The following VAT1 variants were observed in gnomAD, a reference collection of about 807,000 sequenced individuals.
VAT1 encodes NADPH-dependent quinone oxidoreductase VAT1.
VAT1 carries 24 observed loss-of-function variants against 33.3 expected under a neutral mutation model. The ratio of observed to expected loss-of-function variants is 0.72; its 90% CI spans 0.52 to 1.01. VAT1 has a LOEUF of 1.01. Ranked by LOEUF, VAT1 falls within the 50% of genes least tolerant of loss-of-function variation. VAT1 has a pLI of 0.00. For missense variants in VAT1, 436 were observed against 533.7 expected, an observed-to-expected ratio of 0.82 and a Z score of 1.80; for synonymous variants, 212 against 225.0, an observed-to-expected ratio of 0.94 and a Z score of 0.52.
At position 43,022,120 on chromosome 17, in the gene VAT1, G is replaced by C. The variant is rs1039946146; in HGVS notation, c.203C>G (p.Pro68Arg). The change falls in exon 1 of 6, where the codon CCG (proline) becomes CGG (arginine). Residue 68 changes from proline to arginine, a missense_variant. Transcript: ENST00000355653. ...GGGCCCAGGGGCCGGGGGCGCTGCCGGCCGGCTCTGCAGCTTCACCTTGTC... is the reference window on the plus strand; with the variant it reads ...GGGCCCAGGGGCCGGGGGCGCTGCCCGCCGGCTCTGCAGCTTCACCTTGTC... Reference protein sequence around the residue: ...GYDKVKLQSRPAAPPAPGPGQ... With the variant: ...GYDKVKLQSRRAAPPAPGPGQ... The C allele has an allele frequency of 6.4e-7, 1 of 1,564,478 alleles. No individual in the cohort carries two copies. Among genetic ancestry groups the C allele is most frequent in the Non-Finnish European group, 8.7e-7 (1 of 1,155,276 alleles).
chr17:43,021,217 G>A (rs2050564131), intron 1 of VAT1, among the ~76,000 whole-genome samples: 1 of 152,240 alleles, frequency 6.6e-6, no homozygotes, highest in Non-Finnish European at 1.5e-5. Flanking sequence ...GAAGGCTGAG[G>A]GCTGAGTCAC....
At chr17:43,016,189 C>G in intron 5 of VAT1, 45 bp from the exon 6 acceptor site, 1 of 1,613,596 alleles carries the variant, frequency 6.2e-7, no homozygotes, top group Non-Finnish European at 8.5e-7. Context: ...ATCCAACCCT[C>G]ATCCAACAAG....
At chr17:43,020,536 G>A (rs1243291333) in intron 1 of VAT1, among the ~76,000 whole-genome samples, 1 of 152,178 alleles carries the variant, frequency 6.6e-6, no homozygotes, top group Non-Finnish European at 1.5e-5. Context: ...TGGCAGGTCT[G>A]CAAGAGGCTG....
intron 1 of VAT1, chr17:43,019,126 C>T (rs1457349678): frequency 4.7e-5 from 15 of 319,042 alleles, no homozygotes; most frequent in Non-Finnish European, 5.3e-5. Flanking sequence ...TCCCTGAATG[C>T]AAGAAGCTTA....
At chr17:43,017,731 C>T in intron 4 of VAT1, 110 bp downstream of exon 4, 2 of 931,866 alleles carry the variant, frequency 2.1e-6, no homozygotes, top group Non-Finnish European at 3.4e-6. Flanking sequence ...CTACAGAGCA[C>T]CTGAGTCCCT....
chr17:43,015,903 G>A lies in VAT1; in HGVS notation c.*158C>T, dbSNP rs958171405. 2.4e-5 allele frequency: 19 copies of A among 796,382 alleles called. No homozygotes were observed. Among genetic ancestry groups the A allele is most frequent in the East Asian group, 1.5e-4 (6 of 40,786 alleles). The allele number at this position is 796,382 out of a possible 1,614,324, so 49.3% of individuals were successfully genotyped here. A position where few individuals can be genotyped will look rare whatever the true frequency, so the allele number is the denominator to read the frequency against. On this transcript the variant is annotated 3_prime_UTR_variant, in exon 6 of 6. Coordinates refer to ENST00000355653, the MANE Select transcript of VAT1 (RefSeq NM_006373.4). Reference sequence around the variant, plus strand: ...CCAACCTCTTCAGAGGTCAGGAAGCGGGGAGGGGCAGGGGAGAGCGGTCAT... The same window carrying A: ...CCAACCTCTTCAGAGGTCAGGAAGCAGGGAGGGGCAGGGGAGAGCGGTCAT...
At chr17:43,021,846 C>T in intron 1 of VAT1, 90 bp downstream of exon 1, 4 of 1,528,130 alleles carry the variant, frequency 2.6e-6, no homozygotes, top group Non-Finnish European at 3.5e-6. Flanking sequence ...CCAGTTTCTC[C>T]CGCCCTGCCA....
At position 43,022,344 on chromosome 17, in the gene VAT1, CGCACAGCTGGATGGAGAGT is replaced by C; in HGVS notation, c.-41_-23del. The C allele has an allele frequency of 2.0e-6, 3 of 1,538,054 alleles. No individual in the cohort carries two copies. Among genetic ancestry groups the C allele is most frequent in the Non-Finnish European group, 2.6e-6 (3 of 1,146,476 alleles). The stretch of plus-strand genomic sequence containing the variant: ...ACATGGCTGGGACTCCCGACGAGAG[CGCACAGCTGGATGGAGAGT>C]GCACAGCTGGGGAAGGCGGAACGCG... On this transcript the variant is annotated 5_prime_UTR_variant, in exon 1 of 6. Coordinates refer to ENST00000355653, the MANE Select transcript of VAT1 (RefSeq NM_006373.4).
In VAT1 at chr17:43,016,365, G is replaced by A. The variant is rs1275935692; in HGVS notation, c.1040C>T (p.Ala347Val). ...CTTGATGTGGCCCTGGTTGTACAGA[G>A]CCAGGAGGCGGGCCACCACACCACT... ...LVSGVVARLL[A>V]LYNQGHIKPH... Residue 347 changes from alanine to valine, a missense_variant, in exon 5 of 6, where the codon GCT becomes GTT. By Grantham distance (64) the Ala-to-Val change is moderately conservative. Coordinates refer to ENST00000355653, the MANE Select transcript of VAT1 (RefSeq NM_006373.4). 3 of 1,612,406 alleles carry A rather than the reference G, an allele frequency of 1.9e-6. No individual in the cohort carries two copies. Among genetic ancestry groups the A allele is most frequent in the African/African-American group, 1.3e-5 (1 of 74,922 alleles).
intron 1 of VAT1, chr17:43,019,099 G>T: frequency 2.5e-6 from 1 of 407,832 alleles, no homozygotes. Context: ...GATCTTACAT[G>T]TCACTATTGT....
intron 1 of VAT1, among the ~76,000 whole-genome samples, chr17:43,020,867 C>T (rs1328394861): frequency 2.5e-5 from 3 of 119,612 alleles, no homozygotes; most frequent in Non-Finnish European, 3.3e-5. Flanking sequence ...AAGAGCGAAA[C>T]TCCGTCTAAA....
intron 1 of VAT1, chr17:43,019,100 T>C (rs887491414): frequency 9.8e-6 from 4 of 408,360 alleles, no homozygotes; most frequent in Non-Finnish European, 1.8e-5. Context: ...ATCTTACATG[T>C]CACTATTGTG....
chr17:43,016,407 C>G lies in VAT1; in HGVS notation c.998G>C (p.Gly333Ala), dbSNP rs1350285192. 2 of 1,614,082 alleles carry G rather than the reference C, an allele frequency of 1.2e-6. No homozygotes were observed. Among genetic ancestry groups the G allele is most frequent in the South Asian group, 2.2e-5 (2 of 91,088 alleles). The change falls in exon 5 of 6, where the codon GGT becomes GCT. Residue 333 changes from glycine (G) to alanine (A), a missense_variant. Physicochemically the swap from Gly to Ala is moderately conservative, Grantham distance 60. This residue lies in a region of VAT1 where 282 missense variants were observed against 405.4 expected (regional missense o/e 0.70). Transcript: ENST00000355653. ...VCGFHLGYLD[G>A]EVELVSGVVA... is the part of the protein sequence containing the mutation. ...CACACCACTGACCAGCTCCACCTCA[C>G]CATCCAGGTAGCCCAGGTGGAAGCC...
In VAT1 at chr17:43,016,030, G is replaced by A. The variant is rs2050517299; in HGVS notation, c.*31C>T. 6.2e-6 allele frequency: 10 copies of A among 1,610,988 alleles called. No homozygotes were observed. Among genetic ancestry groups the A allele is most frequent in the Middle Eastern group, 3.3e-4 (2 of 6,050 alleles). On this transcript the variant is annotated 3_prime_UTR_variant, in exon 6 of 6. Coordinates refer to ENST00000355653, the MANE Select transcript of VAT1 (RefSeq NM_006373.4). ...ACGTAGCTTCCCAACTTCTCCCTTC[G>A]CTGGTCTCTAGGGTCTCACAGCCAC...
intron 4 of VAT1, among the ~76,000 whole-genome samples, chr17:43,017,287 AG>A (rs1220821205): frequency 6.6e-6 from 1 of 151,272 alleles, no homozygotes; most frequent in African/African-American, 2.4e-5. Flanking sequence ...TCCCCAAACA[AG>A]AATGTAGAAT....
At chr17:43,019,618 G>GCTTCC (rs2050549902) in intron 1 of VAT1, 1 of 152,398 alleles carries the variant, frequency 6.6e-6, no homozygotes, top group African/African-American at 2.4e-5. Flanking sequence ...GCAGTAAAAG[G>GCTTCC]CTTCCCCCCC....
chr17:43,018,862 T>A (rs1555571887), intron 1 of VAT1, 63 bp from the exon 2 acceptor site: 8 of 1,588,060 alleles, frequency 5.0e-6, no homozygotes, highest in Non-Finnish European at 3.4e-6. Flanking sequence ...ATTTACTGAT[T>A]TCCCCCTAGG....
At chr17:43,016,634 C>T (rs1290993092) in intron 4 of VAT1, 86 bp from the exon 5 acceptor site, 2 of 1,541,592 alleles carry the variant, frequency 1.3e-6, no homozygotes, top group African/African-American at 1.4e-5. Context: ...CCTGTGATCC[C>T]CTTGCAATTC....
Position 43,022,150 on chromosome 17 carries a change from C to G in VAT1, c.173G>C (p.Gly58Ala). 1 of 1,559,218 alleles carries G rather than the reference C, an allele frequency of 6.4e-7. No homozygotes were observed. Among genetic ancestry groups the G allele is most frequent in the Non-Finnish European group, 8.7e-7 (1 of 1,151,560 alleles). ...LRCLVLTGFGGYDKVKLQSRP... is the reference protein window; with the variant it reads ...LRCLVLTGFGAYDKVKLQSRP... ...GCTCTGCAGCTTCACCTTGTCGTAG[C>G]CTCCAAAGCCGGTGAGCACTAGGCA... Residue 58 changes from glycine (G) to alanine (A), a missense_variant, in exon 1 of 6, where the codon GGC becomes GCC. By Grantham distance (60) the Gly-to-Ala change is moderately conservative. Transcript: ENST00000355653.
Sources: allele counts gnomAD v4.1 joint callset (sites outside exome capture counted in the v4.1 genomes callset), GRCh38; gene constraint gnomAD v4.1.1; regional missense constraint gnomAD v4.1.1; transcripts MANE v1.5; gene names NCBI Gene and HGNC (gene_info 2026-07-23, HGNC 2026-07-21).